PROM1: variants seen among roughly 807,000 people sequenced by gnomAD.
PROM1 encodes prominin 1, also known as prominin-1.
A neutral mutation model predicts 116.9 loss-of-function variants in PROM1; 105 were observed. The ratio of observed to expected loss-of-function variants is 0.90; its 90% CI spans 0.77 to 1.06. The LOEUF is 1.06. Among genes scored for constraint, PROM1 ranks in the 50% least tolerant of loss-of-function variants. The pLI is 0.00. For synonymous variants in PROM1, 393 were observed against 387.0 expected (o/e 1.02, Z -0.18); for missense variants, 1,122 against 1,045.2 (o/e 1.07, Z -1.01).
In PROM1 at chr4:16,018,497, G is replaced by A. The variant is rs1560498276; in HGVS notation, c.828C>T (p.Thr276=). The change falls in exon 9 of 28, where the codon ACC becomes ACT. Residue 276 remains threonine, a synonymous_variant. Transcript: ENST00000447510. The part of the protein sequence containing the change: ...TKEALENMNS[T]LKSLHQQSTQ... ...TACTTTGTTGGTGCAAGCTCTTCAA[G>A]GTGCTGTTCATGTTCTCCAACGCCT... The A allele has an allele frequency of 6.2e-7, 1 of 1,612,474 alleles. No homozygotes were observed. The highest frequency in any genetic ancestry group is 8.5e-7 in the Non-Finnish European group (1 of 1,179,696).
chr4:16,074,377 A>G (rs1370663520), intron 2 of PROM1, among the ~76,000 whole-genome samples: 1 of 152,208 alleles, frequency 6.6e-6, no homozygotes, highest in East Asian at 1.9e-4. Context: ...GAGTTTTTTT[A>G]AATAAAAATG....
chr4:15,976,907 C>T (rs953569995), intron 26 of PROM1, among the ~76,000 whole-genome samples: 3 of 152,176 alleles, frequency 2.0e-5, no homozygotes, highest in African/African-American at 7.2e-5. Flanking sequence ...GACAGCAGAG[C>T]CTACAGCTCT....
chr4:16,026,339 T>G (rs1246593875), intron 5 of PROM1, among the ~76,000 whole-genome samples: 1 of 152,100 alleles, frequency 6.6e-6, no homozygotes, highest in Non-Finnish European at 1.5e-5. Flanking sequence ...TTGCCAAGGT[T>G]CTGTTGAATT....
intron 4 of PROM1, 41 bp downstream of exon 4, chr4:16,035,694 G>A (rs1388717450): frequency 6.4e-7 from 1 of 1,570,512 alleles, no homozygotes; most frequent in Non-Finnish European, 8.8e-7. Flanking sequence ...GAACAGAAAG[G>A]CTTTCCAAGA....
chr4:16,029,759 T>G (rs1732220841), intron 5 of PROM1, among the ~76,000 whole-genome samples: 1 of 152,220 alleles, frequency 6.6e-6, no homozygotes, highest in African/African-American at 2.4e-5. Flanking sequence ...AGCCACAAAA[T>G]GAAATTGAGT....
At chr4:16,061,984 C>T (rs1173602990) in intron 2 of PROM1, among the ~76,000 whole-genome samples, 2 of 150,084 alleles carry the variant, frequency 1.3e-5, no homozygotes, top group East Asian at 2.0e-4. Flanking sequence ...CTCCGCCTCC[C>T]GGGTTCACAC....
intron 5 of PROM1, among the ~76,000 whole-genome samples, chr4:16,027,297 A>ACACACAC (rs1553915427): frequency 1.8e-4 from 26 of 147,236 alleles, no homozygotes; most frequent in African/African-American, 6.0e-4. Flanking sequence ...GTGAAGAAGA[A>ACACACAC]ACACACACAC....
At chr4:16,035,125 C>A (rs1267331801) in intron 4 of PROM1, among the ~76,000 whole-genome samples, 1 of 152,128 alleles carries the variant, frequency 6.6e-6, no homozygotes, top group East Asian at 1.9e-4. Context: ...TTAAGCTAAC[C>A]CCCATCCCAT....
chr4:16,060,827 G>A (rs923366113), intron 2 of PROM1, among the ~76,000 whole-genome samples: 3 of 152,132 alleles, frequency 2.0e-5, no homozygotes, highest in African/African-American at 7.2e-5. Context: ...AATAAACTTA[G>A]TTTGAAATTA....
intron 22 of PROM1, 107 bp from the exon 23 acceptor site, chr4:15,984,462 G>A: frequency 1.3e-6 from 1 of 793,930 alleles, no homozygotes; most frequent in Non-Finnish European, 1.9e-6. Context: ...GGATCTCCAT[G>A]TCCTCTAAGA....
At position 15,980,583 on chromosome 4, in the gene PROM1, T is replaced by C. The variant is rs1717574916; in HGVS notation, c.2374-46A>G. 4 of 1,185,906 alleles carry C rather than the reference T, an allele frequency of 3.4e-6. No individual in the cohort carries two copies. In the South Asian group the frequency reaches 4.3e-5, roughly 13 times the overall value. 73.5% of individuals were successfully genotyped at this position (1,185,906 alleles called of 1,614,324 possible). On this transcript the variant is annotated intron_variant, in intron 23 of 27. Transcript: ENST00000447510. The stretch of plus-strand genomic sequence containing the variant: ...GAATTAAATGTTTGAAGATAAGAAA[T>C]GGGAAAAACAGTTGTTTGGGGGATT...
chr4:15,999,856 A>AC lies in PROM1; in HGVS notation c.1578+639_1578+640insG, dbSNP rs140584523. On this transcript the variant is annotated intron_variant, in intron 14 of 27. Transcript: ENST00000447510. ...AAAATCAGAATCTGGAGAAAAAAAA[A>AC]ACACAGAAAAGCCACAATTAGAAGC... Among the ~76,000 whole-genome samples, 1,122 of 152,282 alleles carry AC rather than the reference A, an allele frequency of 7.4e-3. 19 individuals carry two copies. Among genetic ancestry groups the AC allele is most frequent in the African/African-American group, 0.025 (1,056 of 41,558 alleles).
chr4:16,079,164 G>C (rs982615386), intron 1 of PROM1, among the ~76,000 whole-genome samples: 5 of 152,134 alleles, frequency 3.3e-5, no homozygotes, highest in African/African-American at 1.2e-4. Flanking sequence ...AGGCTCAGAT[G>C]CTGAGAAGGC....
At chr4:16,066,090 C>T (rs766822956) in intron 2 of PROM1, among the ~76,000 whole-genome samples, 5 of 152,164 alleles carry the variant, frequency 3.3e-5, no homozygotes, top group East Asian at 3.9e-4. Flanking sequence ...TCAGATGGAG[C>T]GTGGCCCTGC....
chr4:16,041,785 A>AATAT (rs200674323), intron 2 of PROM1, among the ~76,000 whole-genome samples: 86 of 37,612 alleles, frequency 2.3e-3, no homozygotes, highest in South Asian at 5.0e-3. Context: ...TAAATAAATA[A>AATAT]ATATATATAT....
intron 15 of PROM1, among the ~76,000 whole-genome samples, chr4:15,994,918 C>A (rs1411545785): frequency 1.3e-5 from 2 of 152,194 alleles, no homozygotes; most frequent in Non-Finnish European, 2.9e-5. Context: ...GATGCATGAA[C>A]AACCAGAGGT....
chr4:16,006,258 C>G (rs1222316160), intron 13 of PROM1, among the ~76,000 whole-genome samples: 1 of 152,184 alleles, frequency 6.6e-6, no homozygotes, highest in African/African-American at 2.4e-5. Flanking sequence ...TTAAAAGGAG[C>G]CTGCCATATA....
Position 15,991,307 on chromosome 4 carries a change from G to A in PROM1, c.1912-14C>T, listed in dbSNP as rs1560422293. On this transcript the variant is annotated splice_polypyrimidine_tract_variant and intron_variant, in intron 17 of 27. Transcript: ENST00000447510. ...GGATTTACCAGTCTACAATAGAAGT[G>A]AAAAAAATTGTCTTATGGATATGGG... 2.6e-6 allele frequency: 4 copies of A among 1,565,670 alleles called. No individual in the cohort carries two copies. The highest frequency in any genetic ancestry group is 2.0e-5 in the Admixed American group (1 of 50,132).
At chr4:16,021,098 CAAAA>C (rs34850856) in intron 8 of PROM1, among the ~76,000 whole-genome samples, 2 of 130,066 alleles carry the variant, frequency 1.5e-5, no homozygotes, top group African/African-American at 5.9e-5. Context: ...CATTTTTAGC[CAAAA>C]AAAAAAAAAA....
Sources: gnomAD v4.1 joint callset for allele counts (sites outside exome capture counted in the v4.1 genomes callset) on GRCh38, gnomAD v4.1.1 for gene constraint, MANE v1.5 for transcripts, NCBI Gene and HGNC (gene_info 2026-07-23, HGNC 2026-07-21) for gene names.